Variants in DCC observed in about 807,000 individuals in gnomAD.
DCC encodes the protein netrin receptor DCC.
DCC carries 58 observed loss-of-function variants against 172.5 expected under a neutral mutation model. The observed-to-expected ratio is 0.34, with a 90% CI of 0.27 to 0.42. DCC has a LOEUF of 0.42. Ranked by LOEUF, DCC falls within the 10% of genes least tolerant of loss-of-function variation. DCC has a pLI of 1.00. For synonymous variants in DCC, 709 were observed against 644.5 expected, an observed-to-expected ratio of 1.10 and a Z score of -1.52; for missense variants, 1,740 against 1,791.0, an observed-to-expected ratio of 0.97 and a Z score of 0.51.
chr18:52,940,206 A>G (rs1485007134), intron 5 of DCC, among the ~76,000 whole-genome samples: 1 of 152,198 alleles, frequency 6.6e-6, no homozygotes, highest in Non-Finnish European at 1.5e-5. Flanking sequence ...AAACCAAACC[A>G]ACGAACAAAA....
chr18:53,323,106 A>G (rs894926565), intron 14 of DCC, among the ~76,000 whole-genome samples: 6 of 152,156 alleles, frequency 3.9e-5, no homozygotes, highest in African/African-American at 1.4e-4. Context: ...TCCAGTAAAA[A>G]TTGAGAGTAA....
intron 12 of DCC, among the ~76,000 whole-genome samples, chr18:53,247,538 T>C (rs1175534820): frequency 6.6e-6 from 1 of 151,310 alleles, no homozygotes; most frequent in Non-Finnish European, 1.5e-5. Flanking sequence ...CTTTGACAAT[T>C]AAAGAGAAAA....
intron 1 of DCC, among the ~76,000 whole-genome samples, chr18:52,585,866 G>A (rs184462218): frequency 7.2e-5 from 11 of 152,170 alleles, no homozygotes; most frequent in Admixed American, 2.0e-4. Context: ...AGTGGATCAC[G>A]AGGTTAGGTG....
At chr18:52,705,008 G>A (rs766024290) in intron 1 of DCC, among the ~76,000 whole-genome samples, 8 of 152,120 alleles carry the variant, frequency 5.3e-5, no homozygotes, top group Non-Finnish European at 1.2e-4. Context: ...TTCCCAGTTG[G>A]TGAGATCATC....
intron 7 of DCC, among the ~76,000 whole-genome samples, chr18:53,116,988 T>TAACC (rs1275540236): frequency 1.3e-5 from 2 of 151,664 alleles, no homozygotes; most frequent in African/African-American, 4.8e-5. Flanking sequence ...AACTTTCAAA[T>TAACC]AACCAAATTC....
At position 53,110,953 on chromosome 18, in the gene DCC, T is replaced by C. The variant is rs1371511011; in HGVS notation, c.1261+44787T>C. 3.3e-5 allele frequency among the ~76,000 whole-genome samples: 4 copies of C among 122,150 alleles called. No individual in the cohort carries two copies. The East Asian group carries it at 7.0e-4, about 21-fold the overall frequency. 80.1% of individuals were successfully genotyped at this position (122,150 alleles called of 152,430 possible). On this transcript the variant is annotated intron_variant, in intron 7 of 28. Coordinates refer to ENST00000442544, the MANE Select transcript of DCC (RefSeq NM_005215.4). ...TGCTATAAAGACACATGCACACGTA[T>C]GTTTATTGTGGCACTATTCACAATA...
intron 2 of DCC, among the ~76,000 whole-genome samples, chr18:52,874,686 T>C (rs1352136720): frequency 6.6e-6 from 1 of 152,184 alleles, no homozygotes; most frequent in East Asian, 1.9e-4. Context: ...TTTGGTATTT[T>C]GTTTAATGAA....
intron 26 of DCC, among the ~76,000 whole-genome samples, chr18:53,492,029 T>C (rs184084170): frequency 6.6e-5 from 10 of 152,350 alleles, no homozygotes; most frequent in Admixed American, 3.9e-4. Context: ...TGGTATCTCA[T>C]TGCGGTTTTG....
chr18:52,361,396 C>A (rs1984611488), intron 1 of DCC, among the ~76,000 whole-genome samples: 1 of 151,992 alleles, frequency 6.6e-6, no homozygotes, highest in Non-Finnish European at 1.5e-5. Context: ...TTCTTTCTAC[C>A]AAATAAGTAA....
chr18:52,378,885 T>C (rs1985466442), intron 1 of DCC, among the ~76,000 whole-genome samples: 1 of 152,058 alleles, frequency 6.6e-6, no homozygotes, highest in Non-Finnish European at 1.5e-5. Context: ...CATGTTACAG[T>C]ATGATTATTC....
chr18:52,943,898 T>C (rs2040501364), intron 5 of DCC, among the ~76,000 whole-genome samples: 1 of 152,156 alleles, frequency 6.6e-6, no homozygotes, highest in Non-Finnish European at 1.5e-5. Context: ...CGCAGGTGCC[T>C]GCCACGACAA....
chr18:53,232,899 G>C (rs1288357435), intron 12 of DCC, among the ~76,000 whole-genome samples: 1 of 150,972 alleles, frequency 6.6e-6, no homozygotes, highest in Non-Finnish European at 1.5e-5. Context: ...CTGATTAGCT[G>C]ATAAGCCTCA....
chr18:53,481,807 G>GT (rs1226115437), intron 25 of DCC, among the ~76,000 whole-genome samples: 4 of 152,100 alleles, frequency 2.6e-5, no homozygotes, highest in African/African-American at 7.2e-5. Flanking sequence ...TATTATGGAA[G>GT]TTTTCAAATA....
intron 1 of DCC, among the ~76,000 whole-genome samples, chr18:52,665,793 G>C (rs1460278336): frequency 3.3e-5 from 5 of 152,048 alleles, no homozygotes; most frequent in African/African-American, 1.2e-4. Context: ...TTTATATTGG[G>C]GAGAACAATT....
chr18:52,569,344 A>G (rs559492723), intron 1 of DCC, among the ~76,000 whole-genome samples: 8 of 152,328 alleles, frequency 5.3e-5, no homozygotes, highest in African/African-American at 1.9e-4. Context: ...TAAAGTGAGC[A>G]CAGTCTTAAT....
chr18:53,014,005 G>A (rs1316538864), intron 5 of DCC, among the ~76,000 whole-genome samples: 3 of 152,100 alleles, frequency 2.0e-5, no homozygotes, highest in African/African-American at 7.2e-5. Context: ...CAATATTAAT[G>A]AAATGGATAC....
At chr18:52,933,815 A>G (rs1210535689) in intron 5 of DCC, among the ~76,000 whole-genome samples, 1 of 152,098 alleles carries the variant, frequency 6.6e-6, no homozygotes, top group Non-Finnish European at 1.5e-5. Context: ...GGCTTTTAGT[A>G]TAACATCACC....
intron 2 of DCC, among the ~76,000 whole-genome samples, chr18:52,840,899 G>A (rs2038793277): frequency 6.6e-6 from 1 of 152,044 alleles, no homozygotes; most frequent in Non-Finnish European, 1.5e-5. Flanking sequence ...TTCTCAGGAA[G>A]GAGAAATGAT....
At chr18:52,348,800 G>C (rs755028055) in intron 1 of DCC, among the ~76,000 whole-genome samples, 1 of 152,132 alleles carries the variant, frequency 6.6e-6, no homozygotes, top group African/African-American at 2.4e-5. Flanking sequence ...TTCCCAAAAT[G>C]TACACTGATT....
Sources: allele counts gnomAD v4.1 joint callset (sites outside exome capture counted in the v4.1 genomes callset), GRCh38; gene constraint gnomAD v4.1.1; transcripts MANE v1.5; gene names NCBI Gene and HGNC (gene_info 2026-07-23, HGNC 2026-07-21).